The following MAGI3 variants were observed in gnomAD, a reference collection of about 807,000 sequenced individuals.
The protein encoded by MAGI3 is membrane-associated guanylate kinase, WW and PDZ domain-containing protein 3.
In MAGI3, 43 loss-of-function variants were observed where a neutral mutation model predicts 121.8. The observed-to-expected ratio is 0.35, with a 90% CI of 0.28 to 0.46. The LOEUF (loss-of-function observed/expected upper bound fraction) is 0.46, where lower values mean the gene tolerates loss of function less well. Ranked by LOEUF, MAGI3 falls within the 20% of genes least tolerant of loss-of-function variation. The probability of loss-of-function intolerance (pLI) is 1.00; values close to 1 mark genes in which losing one functional copy is unlikely to be tolerated. For synonymous variants in MAGI3, 553 were observed against 639.3 expected, an observed-to-expected ratio of 0.86 and a Z score of 2.04; for missense variants, 1,547 against 1,797.3, an observed-to-expected ratio of 0.86 and a Z score of 2.52.
At chr1:113,672,475 T>G in intron 17 of MAGI3, 140 bp from the exon 18 acceptor site, 1 of 787,252 alleles carries the variant, frequency 1.3e-6, no homozygotes, top group Non-Finnish European at 1.9e-6. Context: ...GATCTGATTT[T>G]AGATATAGTC....
chr1:113,637,388 T>C (rs1251727849), intron 9 of MAGI3, among the ~76,000 whole-genome samples: 2 of 152,226 alleles, frequency 1.3e-5, no homozygotes, highest in Non-Finnish European at 2.9e-5. Context: ...TTTCCATGTT[T>C]AGTGCTTCCT....
chr1:113,474,673 T>C (rs2101547643), intron 1 of MAGI3, among the ~76,000 whole-genome samples: 1 of 151,586 alleles, frequency 6.6e-6, no homozygotes, highest in South Asian at 2.1e-4. Flanking sequence ...TCAGGTAGCG[T>C]GATGCCTCCA....
At chr1:113,394,358 C>A (rs748036501) in intron 1 of MAGI3, among the ~76,000 whole-genome samples, 2 of 152,138 alleles carry the variant, frequency 1.3e-5, no homozygotes, top group Non-Finnish European at 2.9e-5. Context: ...TCACCTATTG[C>A]TTGGCTCGAT....
chr1:113,525,394 T>C (rs568010180), intron 1 of MAGI3, among the ~76,000 whole-genome samples: 1 of 152,234 alleles, frequency 6.6e-6, no homozygotes, highest in South Asian at 2.1e-4. Context: ...GACTTTGACA[T>C]TTTAGAAGAC....
At chr1:113,667,648 T>C (rs180708430) in intron 16 of MAGI3, among the ~76,000 whole-genome samples, 1 of 152,384 alleles carries the variant, frequency 6.6e-6, no homozygotes, top group East Asian at 1.9e-4. Flanking sequence ...TCAAGAACTT[T>C]TCTTTTGCAT....
chr1:113,446,242 G>C (rs972259169), intron 1 of MAGI3, among the ~76,000 whole-genome samples: 1 of 152,150 alleles, frequency 6.6e-6, no homozygotes, highest in African/African-American at 2.4e-5. Context: ...ACAGCCAAAA[G>C]GGGAGGAAAT....
intron 1 of MAGI3, among the ~76,000 whole-genome samples, chr1:113,524,236 A>G (rs917668935): frequency 6.6e-6 from 1 of 152,212 alleles, no homozygotes; most frequent in Non-Finnish European, 1.5e-5. Context: ...AGGCAGTGCC[A>G]AAGCAAAATG....
chr1:113,556,667 A>T (rs1453467537), intron 2 of MAGI3, among the ~76,000 whole-genome samples: 3 of 144,254 alleles, frequency 2.1e-5, no homozygotes, highest in Non-Finnish European at 4.5e-5. Flanking sequence ...GGCTCAAGTT[A>T]TCCTCTTGCC....
chr1:113,511,662 A>G (rs1322928841), intron 1 of MAGI3, among the ~76,000 whole-genome samples: 1 of 152,252 alleles, frequency 6.6e-6, no homozygotes, highest in Non-Finnish European at 1.5e-5. Context: ...ATTTCCATGT[A>G]TTAACTTTCT....
At chr1:113,395,248 A>G (rs1324560021) in intron 1 of MAGI3, among the ~76,000 whole-genome samples, 1 of 151,582 alleles carries the variant, frequency 6.6e-6, no homozygotes, top group African/African-American at 2.4e-5. Context: ...ACCTTTTTTA[A>G]AACAAGAAAA....
chr1:113,629,000 A>ATTATCC, intron 9 of MAGI3, among the ~76,000 whole-genome samples: 1 of 152,100 alleles, frequency 6.6e-6, no homozygotes, highest in Admixed American at 6.5e-5. Flanking sequence ...CTTTGAATAA[A>ATTATCC]CTTTTTACCT....
chr1:113,512,064 G>C (rs1657642431), intron 1 of MAGI3, among the ~76,000 whole-genome samples: 1 of 152,152 alleles, frequency 6.6e-6, no homozygotes, highest in African/African-American at 2.4e-5. Flanking sequence ...ACAGTAATTT[G>C]AAAACGTTCA....
At chr1:113,408,495 C>G (rs1651806506) in intron 1 of MAGI3, among the ~76,000 whole-genome samples, 1 of 152,126 alleles carries the variant, frequency 6.6e-6, no homozygotes, top group African/African-American at 2.4e-5. Flanking sequence ...AAGTTAATGA[C>G]TTAAGTTGGT....
At chr1:113,623,891 ACT>A (rs35772352) in intron 9 of MAGI3, among the ~76,000 whole-genome samples, 32,894 of 151,430 alleles carry the variant, frequency 0.22, 4,446 homozygotes, top group South Asian at 0.39. Context: ...TCATCCTTCT[ACT>A]CTCTAGCTCC....
At chr1:113,609,502 A>G (rs1354600848) in intron 6 of MAGI3, among the ~76,000 whole-genome samples, 1 of 152,250 alleles carries the variant, frequency 6.6e-6, no homozygotes, top group African/African-American at 2.4e-5. Flanking sequence ...TTGGTTAGGT[A>G]GTTGTCTTGA....
At chr1:113,531,148 T>C (rs1334510205) in intron 1 of MAGI3, among the ~76,000 whole-genome samples, 1 of 152,194 alleles carries the variant, frequency 6.6e-6, no homozygotes, top group Non-Finnish European at 1.5e-5. Flanking sequence ...ACTTTCTTTT[T>C]TTTTAAGTTA....
chr1:113,458,109 T>A (rs1654845032), intron 1 of MAGI3, among the ~76,000 whole-genome samples: 1 of 152,214 alleles, frequency 6.6e-6, no homozygotes, highest in African/African-American at 2.4e-5. Flanking sequence ...ATTGTTTGTT[T>A]GTTTTTCAAA....
At chr1:113,635,243 G>A (rs1404559358) in intron 9 of MAGI3, among the ~76,000 whole-genome samples, 1 of 152,100 alleles carries the variant, frequency 6.6e-6, no homozygotes, top group Non-Finnish European at 1.5e-5. Context: ...AACTGCCCTG[G>A]CCAGAACTTC....
chr1:113,620,331 A>C (rs188498824), intron 8 of MAGI3, among the ~76,000 whole-genome samples: 1 of 152,176 alleles, frequency 6.6e-6, no homozygotes, highest in Non-Finnish European at 1.5e-5. Flanking sequence ...TTTTAAAAAT[A>C]TAGATCCAGA....
Sources: gnomAD v4.1 joint callset for allele counts (sites outside exome capture counted in the v4.1 genomes callset) on GRCh38, gnomAD v4.1.1 for gene constraint, MANE v1.5 for transcripts, NCBI Gene and HGNC (gene_info 2026-07-23, HGNC 2026-07-21) for gene names.